The following TEAD1 variants were observed in gnomAD, a reference collection of about 807,000 sequenced individuals.
TEAD1 encodes transcriptional enhancer factor TEF-1.
A neutral mutation model predicts 54.9 loss-of-function variants in TEAD1; 9 were observed. The ratio of observed to expected loss-of-function variants is 0.16; its 90% confidence interval spans 0.10 to 0.29. The LOEUF (loss-of-function observed/expected upper bound fraction) is 0.29, where lower values mean the gene tolerates loss of function less well. Ranked by LOEUF, TEAD1 falls within the 10% of genes least tolerant of loss-of-function variation. The probability of loss-of-function intolerance (pLI) is 1.00; values close to 1 mark genes in which losing one functional copy is unlikely to be tolerated. For missense variants in TEAD1, 387 were observed against 535.9 expected (o/e 0.72, Z 2.74); for synonymous variants, 200 against 187.8 (o/e 1.07, Z -0.53).
chr11:12,759,241 G>C (rs1945052451), intron 2 of TEAD1, among the ~76,000 whole-genome samples: 1 of 152,164 alleles, frequency 6.6e-6, no homozygotes, highest in Non-Finnish European at 1.5e-5. Flanking sequence ...GTTGGATAGA[G>C]TTGGTGTCAG....
intron 2 of TEAD1, among the ~76,000 whole-genome samples, chr11:12,704,910 T>C (rs943057010): frequency 1.3e-5 from 2 of 152,232 alleles, no homozygotes; most frequent in African/African-American, 4.8e-5. Flanking sequence ...AAAAATAAAA[T>C]ACAGTGAAAT....
chr11:12,853,261 A>G (rs574235782), intron 3 of TEAD1, among the ~76,000 whole-genome samples: 92 of 152,186 alleles, frequency 6.0e-4, no homozygotes, highest in Non-Finnish European at 1.1e-3. Flanking sequence ...CTTGGTAGGT[A>G]TTTTGATGGT....
Position 12,764,489 on chromosome 11 carries a change from G to T in TEAD1, c.202+55G>T, listed in dbSNP as rs73423629. ...ACTACAACCTGCAGTTGTGGTAGGG[G>T]ATAGATTGTAGCTGGTCTTCCAGCA... On this transcript the variant is annotated intron_variant, in intron 3 of 12. Coordinates refer to ENST00000527636, the MANE Select transcript of TEAD1 (RefSeq NM_021961.6). 10,111 of 1,588,962 alleles carry T rather than the reference G, an allele frequency of 6.4e-3. 571 individuals are homozygous for T. In the African/African-American group the frequency reaches 0.12, roughly 19 times the overall value.
At chr11:12,878,420 A>C (rs1227179551) in intron 5 of TEAD1, among the ~76,000 whole-genome samples, 1 of 152,142 alleles carries the variant, frequency 6.6e-6, no homozygotes, top group Non-Finnish European at 1.5e-5. Context: ...CTGGAGGTGG[A>C]AAGCACTCTT....
At chr11:12,925,601 CA>C (rs1401369997) in intron 11 of TEAD1, among the ~76,000 whole-genome samples, 1 of 152,174 alleles carries the variant, frequency 6.6e-6, no homozygotes, top group Non-Finnish European at 1.5e-5. Flanking sequence ...TGAAAGGAAG[CA>C]AATAGGATGT....
intron 2 of TEAD1, among the ~76,000 whole-genome samples, chr11:12,719,752 C>T (rs1041929963): frequency 1.3e-4 from 20 of 151,616 alleles, no homozygotes; most frequent in African/African-American, 3.6e-4. Context: ...GTTCAAACTG[C>T]GAAGAACTTG....
chr11:12,743,261 C>T (rs560657944), intron 2 of TEAD1, among the ~76,000 whole-genome samples: 1 of 152,290 alleles, frequency 6.6e-6, no homozygotes, highest in South Asian at 2.1e-4. Flanking sequence ...ATATGTCGAG[C>T]TTATTGACAG....
In TEAD1 at chr11:12,941,311, C is replaced by T. The variant is rs1336686796; in HGVS notation, c.*4089C>T. On this transcript the variant is annotated 3_prime_UTR_variant, in exon 13 of 13. Transcript: ENST00000527636. ...TACTTCCTGAGGACAATTCCCCAGC[C>T]ACAGGCTCTGAGTCAAATTTCTATT... The T allele has an allele frequency of 6.6e-6, 1 of 152,174 alleles. No homozygotes were observed. Among genetic ancestry groups the T allele is most frequent in the African/African-American group, 2.4e-5 (1 of 41,418 alleles). 9.4% of individuals were successfully genotyped at this position (152,174 alleles called of 1,614,324 possible).
chr11:12,685,185 C>T (rs1184546781), intron 2 of TEAD1, among the ~76,000 whole-genome samples: 2 of 152,172 alleles, frequency 1.3e-5, no homozygotes, highest in Non-Finnish European at 2.9e-5. Context: ...GTCTCTTAAG[C>T]AGTGTATAGA....
chr11:12,787,243 G>A (rs1490056098), intron 3 of TEAD1, among the ~76,000 whole-genome samples: 1 of 152,182 alleles, frequency 6.6e-6, no homozygotes, highest in Non-Finnish European at 1.5e-5. Context: ...ATGCCACCTG[G>A]ACACAGCATC....
chr11:12,728,549 G>C (rs1269939265), intron 2 of TEAD1, among the ~76,000 whole-genome samples: 6 of 152,086 alleles, frequency 3.9e-5, no homozygotes, highest in Non-Finnish European at 8.8e-5. Flanking sequence ...CATAGAGTTG[G>C]CAGGCAGACA....
intron 2 of TEAD1, among the ~76,000 whole-genome samples, chr11:12,700,652 T>G (rs1943681746): frequency 6.6e-6 from 1 of 152,198 alleles, no homozygotes; most frequent in Non-Finnish European, 1.5e-5. Context: ...TAACTCTCAT[T>G]TATTTTCCCT....
chr11:12,830,767 C>CGCACAT (rs370162235), intron 3 of TEAD1, among the ~76,000 whole-genome samples: 76 of 149,676 alleles, frequency 5.1e-4, no homozygotes, highest in African/African-American at 1.3e-3. Flanking sequence ...TGCACGCACA[C>CGCACAT]GCACATGCAC....
At chr11:12,932,711 T>A (rs1300395078) in intron 12 of TEAD1, among the ~76,000 whole-genome samples, 3 of 152,142 alleles carry the variant, frequency 2.0e-5, no homozygotes, top group Non-Finnish European at 2.9e-5. Context: ...TAATTATTTT[T>A]AAAAATAAAT....
Position 12,944,474 on chromosome 11 carries a change from A to G in TEAD1, c.*7252A>G, listed in dbSNP as rs1949189465. 7.8e-6 allele frequency: 1 copy of G among 128,642 alleles called. No homozygotes were observed. Among genetic ancestry groups the G allele is most frequent in the African/African-American group, 3.1e-5 (1 of 32,054 alleles). 8.0% of individuals were successfully genotyped at this position (128,642 alleles called of 1,614,324 possible). On this transcript the variant is annotated 3_prime_UTR_variant, in exon 13 of 13. Transcript: ENST00000527636. ...TTGTGTGCAGAGAATTTTTTTATAAAGTGCTTTGTAAAAAAAAAAAAATGT... is the reference window on the plus strand; with the variant it reads ...TTGTGTGCAGAGAATTTTTTTATAAGGTGCTTTGTAAAAAAAAAAAAATGT...
intron 2 of TEAD1, among the ~76,000 whole-genome samples, chr11:12,687,384 G>A (rs556382582): frequency 6.6e-6 from 1 of 152,320 alleles, no homozygotes; most frequent in Non-Finnish European, 1.5e-5. Flanking sequence ...AAGGCTGACA[G>A]GCCAGGTTCT....
intron 2 of TEAD1, among the ~76,000 whole-genome samples, chr11:12,707,810 T>C (rs573863146): frequency 6.6e-6 from 1 of 152,368 alleles, no homozygotes; most frequent in South Asian, 2.1e-4. Context: ...ATCATACTTG[T>C]GTCTAGTCAA....
intron 2 of TEAD1, among the ~76,000 whole-genome samples, chr11:12,700,507 AATG>A (rs1389975775): frequency 6.6e-6 from 1 of 152,248 alleles, no homozygotes; most frequent in African/African-American, 2.4e-5. Context: ...TAAATTAAAA[AATG>A]ATGTTATACC....
intron 2 of TEAD1, among the ~76,000 whole-genome samples, chr11:12,715,895 G>T (rs1944050125): frequency 6.6e-6 from 1 of 152,034 alleles, no homozygotes; most frequent in African/African-American, 2.4e-5. Flanking sequence ...ACCTCTAGGG[G>T]TTCCCAGATT....
Sources: gnomAD v4.1 joint callset for allele counts (sites outside exome capture counted in the v4.1 genomes callset) on GRCh38, gnomAD v4.1.1 for gene constraint, MANE v1.5 for transcripts, NCBI Gene and HGNC (gene_info 2026-07-23, HGNC 2026-07-21) for gene names.